ZNF654: variants seen among roughly 807,000 people sequenced by gnomAD.
ZNF654 encodes the protein melanoma-associated antigen.
A neutral mutation model predicts 95.3 loss-of-function variants in ZNF654; 19 were observed. That is an observed-to-expected ratio of 0.20 (90% CI 0.14 to 0.29). The LOEUF is 0.29. Among genes scored for constraint, ZNF654 ranks in the 10% least tolerant of loss-of-function variants. ZNF654 has a pLI of 1.00. For missense variants in ZNF654, 1,046 were observed against 1,341.0 expected, an observed-to-expected ratio of 0.78 and a Z score of 3.44; for synonymous variants, 413 against 457.9, an observed-to-expected ratio of 0.90 and a Z score of 1.25.
intron 1 of ZNF654, 140 bp downstream of exon 1, chr3:88,059,645 C>T: frequency 1.5e-6 from 2 of 1,295,684 alleles, no homozygotes; most frequent in South Asian, 1.7e-5. Context: ...AAGCTCCCTC[C>T]TCCACTTATC....
At chr3:88,101,481 G>A (rs1444773685) in intron 2 of ZNF654, among the ~76,000 whole-genome samples, 2 of 152,034 alleles carry the variant, frequency 1.3e-5, no homozygotes, top group Non-Finnish European at 2.9e-5. Flanking sequence ...TTTTCACTTA[G>A]AATAATGTTC....
chr3:88,091,289 CAAAAATAATA>C (rs1380470611), intron 2 of ZNF654, among the ~76,000 whole-genome samples: 1 of 151,820 alleles, frequency 6.6e-6, no homozygotes, highest in Non-Finnish European at 1.5e-5. Flanking sequence ...GCTACGTAGA[CAAAAATAATA>C]AAAAATAATA....
At chr3:88,122,267 C>A (rs904078682) in intron 3 of ZNF654, among the ~76,000 whole-genome samples, 13 of 151,986 alleles carry the variant, frequency 8.6e-5, no homozygotes, top group African/African-American at 3.1e-4. Flanking sequence ...GTGGAAGAGA[C>A]CAGGCTGAAG....
chr3:88,069,049 G>A (rs1357171631), intron 1 of ZNF654, among the ~76,000 whole-genome samples: 1 of 152,114 alleles, frequency 6.6e-6, no homozygotes, highest in African/African-American at 2.4e-5. Context: ...AAGACTCAAG[G>A]CAGCAGAAAC....
intron 1 of ZNF654, among the ~76,000 whole-genome samples, chr3:88,077,262 T>C (rs1353186469): frequency 1.3e-5 from 2 of 152,124 alleles, no homozygotes; most frequent in Admixed American, 1.3e-4. Context: ...ATATAGGCAG[T>C]GTGCTTTCCA....
At chr3:88,089,083 T>G (rs1708498220) in intron 2 of ZNF654, among the ~76,000 whole-genome samples, 1 of 150,826 alleles carries the variant, frequency 6.6e-6, no homozygotes, top group Admixed American at 6.6e-5. Context: ...TAAAAAAAAC[T>G]GTATTAAAAA....
At chr3:88,090,860 T>G (rs1432122360) in intron 2 of ZNF654, among the ~76,000 whole-genome samples, 1 of 152,094 alleles carries the variant, frequency 6.6e-6, no homozygotes, top group Non-Finnish European at 1.5e-5. Context: ...TCTGATAAGC[T>G]AAGAAAAAAA....
chr3:88,108,161 A>G (rs1440419967), intron 2 of ZNF654, among the ~76,000 whole-genome samples: 1 of 151,868 alleles, frequency 6.6e-6, no homozygotes, highest in Non-Finnish European at 1.5e-5. Context: ...ATGTAGGTAT[A>G]TGAATTCAGG....
At chr3:88,060,381 G>T (rs1706799925) in intron 1 of ZNF654, among the ~76,000 whole-genome samples, 1 of 152,098 alleles carries the variant, frequency 6.6e-6, no homozygotes, top group African/African-American at 2.4e-5. Flanking sequence ...TACTTTTTTA[G>T]GGGTAAAGTT....
chr3:88,134,544 C>T (rs1251043774), intron 6 of ZNF654, among the ~76,000 whole-genome samples: 1 of 151,974 alleles, frequency 6.6e-6, no homozygotes, highest in African/African-American at 2.4e-5. Flanking sequence ...TCAAATGGTC[C>T]ATAACCTGTC....
intron 8 of ZNF654, 26 bp from the exon 9 acceptor site, chr3:88,141,619 A>G (rs1265506591): frequency 6.8e-7 from 1 of 1,464,702 alleles, no homozygotes; most frequent in Non-Finnish European, 9.2e-7. Context: ...TAAAACTTGC[A>G]TTAACAGATG....
At chr3:88,094,104 CT>C (rs11449650) in intron 2 of ZNF654, among the ~76,000 whole-genome samples, 20 of 147,844 alleles carry the variant, frequency 1.4e-4, no homozygotes, top group East Asian at 2.0e-4. Context: ...AGATAATATT[CT>C]TTTTTTTTTT....
chr3:88,064,057 C>T (rs1392884766), intron 1 of ZNF654, among the ~76,000 whole-genome samples: 3 of 150,372 alleles, frequency 2.0e-5, no homozygotes, highest in Non-Finnish European at 4.4e-5. Context: ...GCCTATGATT[C>T]TGTCAGTATG....
intron 7 of ZNF654, among the ~76,000 whole-genome samples, chr3:88,137,224 T>C (rs1209889835): frequency 1.4e-5 from 2 of 142,154 alleles, no homozygotes; most frequent in African/African-American, 5.2e-5. Context: ...AAAAAGGATG[T>C]AGATAGAAGT....
rs539182546 is a variant in ZNF654 at position 88,061,396 on chromosome 3, A to C, written c.186+1891A>C. On this transcript the variant is annotated intron_variant, in intron 1 of 8. Transcript: ENST00000636215. ...CGCTACCTCCTGTATATCCAAGGAA[A>C]TAAAACAGGAAGAACTTAATGAACG... Among the ~76,000 whole-genome samples, 5 of 152,328 alleles carry C rather than the reference A, an allele frequency of 3.3e-5. No homozygotes were observed. The South Asian group carries it at 1.0e-3, about 32-fold the overall frequency.
At chr3:88,087,313 G>C (rs1279898922) in intron 2 of ZNF654, among the ~76,000 whole-genome samples, 7 of 152,102 alleles carry the variant, frequency 4.6e-5, no homozygotes, top group Admixed American at 4.6e-4. Flanking sequence ...CCTGACAGGT[G>C]ATCTGCCCAC....
At chr3:88,084,228 A>C (rs140542464) in intron 1 of ZNF654, among the ~76,000 whole-genome samples, 3 of 152,334 alleles carry the variant, frequency 2.0e-5, no homozygotes, top group African/African-American at 7.2e-5. Context: ...ACAGAACCTG[A>C]GAAAGTAGAA....
chr3:88,125,566 A>G (rs1365409709), intron 3 of ZNF654, among the ~76,000 whole-genome samples: 5 of 152,078 alleles, frequency 3.3e-5, no homozygotes, highest in Non-Finnish European at 7.4e-5. Flanking sequence ...TTAACCTGTC[A>G]TTTTTTTAAT....
chr3:88,121,236 A>G (rs1365140535), intron 3 of ZNF654, among the ~76,000 whole-genome samples: 5 of 152,296 alleles, frequency 3.3e-5, no homozygotes, highest in South Asian at 2.1e-4. Context: ...CCTAAAGTCA[A>G]TCTATGTTTT....
Sources: allele counts gnomAD v4.1 joint callset (sites outside exome capture counted in the v4.1 genomes callset), GRCh38; gene constraint gnomAD v4.1.1; transcripts MANE v1.5; gene names NCBI Gene and HGNC (gene_info 2026-07-23, HGNC 2026-07-21).